UVRAG: variants seen among roughly 807,000 people sequenced by gnomAD.
UVRAG encodes UV radiation resistance-associated gene protein.
Under a neutral mutation model 78.0 loss-of-function variants are expected in UVRAG, and 19 were observed. The observed-to-expected ratio is 0.24, with a 90% CI of 0.17 to 0.36. The LOEUF (loss-of-function observed/expected upper bound fraction) is 0.36, where lower values mean the gene tolerates loss of function less well. Ranked by LOEUF, UVRAG falls within the 10% of genes least tolerant of loss-of-function variation. UVRAG has a pLI of 1.00. For missense variants in UVRAG, 740 were observed against 853.8 expected (o/e 0.87, Z 1.66); for synonymous variants, 323 against 324.6 (o/e 1.00, Z 0.05).
chr11:75,983,421 T>C lies in UVRAG; in HGVS notation c.734T>C (p.Leu245Ser). Residue 245 changes from leucine to serine, a missense_variant, in exon 8 of 15, where the codon TTG becomes TCG. Transcript: ENST00000356136. ...AGTGAATGCCTGCAGTTAAAAATTT[T>C]GGTGCTTCAGAATGAACTGGAACGG... ...KKSECLQLKILVLQNELERQK... is the reference protein window; with the variant it reads ...KKSECLQLKISVLQNELERQK... The C allele has an allele frequency of 6.2e-7, 1 of 1,604,730 alleles. No individual in the cohort carries two copies. The highest frequency in any genetic ancestry group is 8.5e-7 in the Non-Finnish European group (1 of 1,175,940).
chr11:75,950,454 G>A (rs1438467869), intron 6 of UVRAG, among the ~76,000 whole-genome samples: 1 of 152,072 alleles, frequency 6.6e-6, no homozygotes, highest in Non-Finnish European at 1.5e-5. Context: ...GTCTTGCTGT[G>A]TTGCTGGGGG....
chr11:76,018,728 A>G (rs1950191470), intron 12 of UVRAG, among the ~76,000 whole-genome samples: 1 of 151,972 alleles, frequency 6.6e-6, no homozygotes, highest in Non-Finnish European at 1.5e-5. Flanking sequence ...TGCTTTATTT[A>G]TATTTATCCT....
chr11:75,903,002 T>C (rs948909174), intron 5 of UVRAG, among the ~76,000 whole-genome samples: 11 of 152,248 alleles, frequency 7.2e-5, no homozygotes, highest in African/African-American at 2.7e-4. Context: ...GATTGCTTTC[T>C]CTCCATCAGC....
At chr11:75,969,685 C>T (rs1179077433) in intron 7 of UVRAG, among the ~76,000 whole-genome samples, 2 of 152,136 alleles carry the variant, frequency 1.3e-5, no homozygotes, top group East Asian at 1.9e-4. Flanking sequence ...GCTTGAATGT[C>T]TTTAACAGAT....
At chr11:76,081,819 G>A (rs1591214374) in intron 13 of UVRAG, among the ~76,000 whole-genome samples, 1 of 150,682 alleles carries the variant, frequency 6.6e-6, no homozygotes, top group African/African-American at 2.4e-5. Context: ...AAAATATATC[G>A]ACAATATGTT....
intron 12 of UVRAG, among the ~76,000 whole-genome samples, chr11:76,026,292 T>G (rs943437061): frequency 1.4e-4 from 22 of 152,138 alleles, no homozygotes; most frequent in African/African-American, 5.3e-4. Context: ...GACTCCTCAT[T>G]TCTATTATTA....
chr11:76,054,453 T>A (rs899767946), intron 12 of UVRAG, among the ~76,000 whole-genome samples: 1 of 152,216 alleles, frequency 6.6e-6, no homozygotes, highest in African/African-American at 2.4e-5. Context: ...GTGCTTCTCC[T>A]GTCATTCAGA....
chr11:76,114,921 G>A (rs546688677), intron 13 of UVRAG, among the ~76,000 whole-genome samples: 2 of 152,308 alleles, frequency 1.3e-5, no homozygotes, highest in South Asian at 2.1e-4. Flanking sequence ...CCTTAAGACC[G>A]ATGCCCCTTC....
At chr11:75,936,288 T>G (rs1301377220) in intron 6 of UVRAG, among the ~76,000 whole-genome samples, 1 of 152,242 alleles carries the variant, frequency 6.6e-6, no homozygotes, top group African/African-American at 2.4e-5. Flanking sequence ...GAGATACATT[T>G]TTAGATGATA....
rs115293391 is a variant in UVRAG at position 75,972,514 on chromosome 11, G to A, written c.700-10873G>A. On this transcript the variant is annotated intron_variant, in intron 7 of 14. Coordinates refer to ENST00000356136, the MANE Select transcript of UVRAG (RefSeq NM_003369.4). ...GGTTTCATCATTTGGTGAAAAGACT[G>A]TCCTTTCTGCATTGAGTTGCTTTTG... 8.4e-3 allele frequency among the ~76,000 whole-genome samples: 1,278 copies of A among 152,218 alleles called. 23 individuals carry two copies. The highest frequency in any genetic ancestry group is 0.029 in the African/African-American group (1,219 of 41,536).
At chr11:76,121,773 C>A (rs914946113) in intron 14 of UVRAG, among the ~76,000 whole-genome samples, 34 of 152,226 alleles carry the variant, frequency 2.2e-4, no homozygotes, top group African/African-American at 8.2e-4. Flanking sequence ...TAGCCTGCCC[C>A]TTCCTCTGCC....
intron 1 of UVRAG, among the ~76,000 whole-genome samples, chr11:75,815,997 G>A (rs1185418582): frequency 1.3e-5 from 2 of 152,254 alleles, no homozygotes; most frequent in African/African-American, 2.4e-5. Context: ...AGCCCTGGAG[G>A]AGACTTTAGG....
In UVRAG at chr11:76,004,100, A is replaced by G. The variant is rs7106336; in HGVS notation, c.911+11A>G. On this transcript the variant is annotated intron_variant, in intron 9 of 14. Transcript: ENST00000356136. ...GTGCACTGCAAAAAGGTAAATGCAC[A>G]CTGAGAAGAATTGCTGTGAGTGTGG... 0.029 allele frequency: 46,103 copies of G among 1,612,428 alleles called. 766 individuals are homozygous for G. The highest frequency in any genetic ancestry group is 0.069 in the African/African-American group (5,167 of 75,000).
At chr11:76,007,764 A>T in intron 10 of UVRAG, 143 bp downstream of exon 10, 1 of 670,750 alleles carries the variant, frequency 1.5e-6, no homozygotes. Context: ...GTCTATTTAA[A>T]ACATAGATTT....
intron 2 of UVRAG, 40 bp downstream of exon 2, chr11:75,852,040 A>G (rs1171030937): frequency 2.8e-6 from 4 of 1,414,256 alleles, no homozygotes; most frequent in African/African-American, 2.9e-5. Flanking sequence ...AGATTGTTAT[A>G]TTTTTATTTT....
intron 12 of UVRAG, among the ~76,000 whole-genome samples, chr11:76,039,544 A>G (rs1453313538): frequency 2.6e-5 from 4 of 152,232 alleles, no homozygotes; most frequent in Non-Finnish European, 5.9e-5. Context: ...TACAAACTGA[A>G]AATGAATACA....
At chr11:75,815,764 A>C (rs193002473) in intron 1 of UVRAG, among the ~76,000 whole-genome samples, 1 of 152,028 alleles carries the variant, frequency 6.6e-6, no homozygotes, top group African/African-American at 2.4e-5. Flanking sequence ...GTTAAGGGAC[A>C]AGCAGCCAGC....
chr11:76,091,737 T>C (rs1156292343), intron 13 of UVRAG, among the ~76,000 whole-genome samples: 1 of 152,210 alleles, frequency 6.6e-6, no homozygotes, highest in Non-Finnish European at 1.5e-5. Context: ...AGCATATTAA[T>C]GATTTTTGAA....
intron 1 of UVRAG, among the ~76,000 whole-genome samples, chr11:75,845,991 T>C (rs539665252): frequency 6.6e-6 from 1 of 152,376 alleles, no homozygotes; most frequent in African/African-American, 2.4e-5. Context: ...TGTGTAAATT[T>C]ACATTTTAAT....
Sources: allele counts gnomAD v4.1 joint callset (sites outside exome capture counted in the v4.1 genomes callset), GRCh38; gene constraint gnomAD v4.1.1; transcripts MANE v1.5; gene names NCBI Gene and HGNC (gene_info 2026-07-23, HGNC 2026-07-21).